HHLA1: variants seen among roughly 807,000 people sequenced by gnomAD.
HHLA1 encodes the protein HERV-H LTR-associating protein 1.
A neutral mutation model predicts 69.9 loss-of-function variants in HHLA1; 72 were observed. The observed-to-expected ratio is 1.03, with a 90% CI of 0.85 to 1.25. HHLA1 has a LOEUF of 1.25. HHLA1 is among the 50% of genes most tolerant of loss of function. The probability of loss-of-function intolerance (pLI) is 0.00; values close to 1 mark genes in which losing one functional copy is unlikely to be tolerated. For missense variants in HHLA1, 685 were observed against 642.2 expected (o/e 1.07, Z -0.72); for synonymous variants, 252 against 233.2 (o/e 1.08, Z -0.73).
chr8:132,067,791 A>G (rs543192271), intron 15 of HHLA1, among the ~76,000 whole-genome samples: 1 of 152,358 alleles, frequency 6.6e-6, no homozygotes, highest in South Asian at 2.1e-4. Flanking sequence ...GTTGTGCAAC[A>G]TGTGGTCTAG....
chr8:132,095,385 T>C (rs1167904671), intron 7 of HHLA1, 134 bp downstream of exon 7: 3 of 533,782 alleles, frequency 5.6e-6, no homozygotes, highest in African/African-American at 3.8e-5. Flanking sequence ...ACTGGGATAA[T>C]GAATGAGCAC....
rs770926884 is a variant in HHLA1 at position 132,098,260 on chromosome 8, CAGAA to C, written c.280+618_280+621del. ...TCATTTTGCTAGACGCTAAAGAACA[CAGAA>C]AGAAGATTACAATAATATTGTCTTA... On this transcript the variant is annotated intron_variant, in intron 5 of 16. Coordinates refer to ENST00000414222, the MANE Select transcript of HHLA1 (RefSeq NM_001145095.3). Among the ~76,000 whole-genome samples the C allele has an allele frequency of 1.3e-4, 20 of 152,210 alleles. 1 individual carries two copies. Among genetic ancestry groups the C allele is most frequent in the Admixed American group, 6.5e-4 (10 of 15,288 alleles).
chr8:132,064,416 C>G (rs556345830), intron 16 of HHLA1, among the ~76,000 whole-genome samples: 3 of 152,102 alleles, frequency 2.0e-5, no homozygotes, highest in Non-Finnish European at 4.4e-5. Flanking sequence ...GTGGCAAGGA[C>G]GAAAGAACTA....
intron 10 of HHLA1, chr8:132,085,523 T>TC (rs1050894923): frequency 5.0e-5 from 16 of 319,270 alleles, no homozygotes; most frequent in African/African-American, 3.4e-4. Flanking sequence ...CCAAGGGAGG[T>TC]CCCCCGATCC....
At chr8:132,103,867 C>T (rs1007641879) in intron 3 of HHLA1, among the ~76,000 whole-genome samples, 1 of 152,070 alleles carries the variant, frequency 6.6e-6, no homozygotes, top group Non-Finnish European at 1.5e-5. Flanking sequence ...GTAACGGTAC[C>T]CCCCATTATA....
intron 15 of HHLA1, chr8:132,070,458 A>C: frequency 1.4e-6 from 1 of 691,264 alleles, no homozygotes; most frequent in East Asian, 2.7e-5. Flanking sequence ...TGGATTAAAG[A>C]ACCACTCAAG....
chr8:132,090,404 A>G (rs891764), intron 7 of HHLA1, among the ~76,000 whole-genome samples: 139,010 of 152,284 alleles, frequency 0.91, 63,664 homozygotes, highest in Middle Eastern at 0.95. Flanking sequence ...TCATTTTCTA[A>G]AGAGGAAGCT....
intron 5 of HHLA1, among the ~76,000 whole-genome samples, chr8:132,096,888 C>T (rs755419094): frequency 4.6e-5 from 7 of 152,154 alleles, no homozygotes; most frequent in South Asian, 2.1e-4. Context: ...CAGCTCACTG[C>T]GGCCTCCACC....
At chr8:132,073,959 G>A (rs1344902954) in intron 14 of HHLA1, among the ~76,000 whole-genome samples, 1 of 151,768 alleles carries the variant, frequency 6.6e-6, no homozygotes, top group Non-Finnish European at 1.5e-5. Flanking sequence ...AGCTTCTCCT[G>A]TTCCTCCCCA....
chr8:132,106,655 C>T (rs1824206241), intron 1 of HHLA1, among the ~76,000 whole-genome samples: 2 of 152,344 alleles, frequency 1.3e-5, no homozygotes, highest in Admixed American at 6.5e-5. Flanking sequence ...GCTGGAGACA[C>T]AGGGACAGAG....
At chr8:132,070,250 C>G in intron 15 of HHLA1, 2 of 690,798 alleles carry the variant, frequency 2.9e-6, no homozygotes, top group East Asian at 2.7e-5. Context: ...GAAGAAATAA[C>G]AGTATGTCAG....
intron 10 of HHLA1, among the ~76,000 whole-genome samples, chr8:132,082,791 A>T (rs1206688725): frequency 6.6e-6 from 1 of 152,186 alleles, no homozygotes; most frequent in African/African-American, 2.4e-5. Flanking sequence ...TGGGCACCAC[A>T]GGGTGGACAG....
At chr8:132,087,593 T>C (rs931262907) in intron 10 of HHLA1, 60 bp downstream of exon 10, 8 of 1,048,542 alleles carry the variant, frequency 7.6e-6, no homozygotes, top group African/African-American at 6.3e-5. Flanking sequence ...GTCATTAGTG[T>C]GCCAGGTGGG....
chr8:132,096,336 G>A (rs922199919), intron 5 of HHLA1, among the ~76,000 whole-genome samples: 5 of 152,048 alleles, frequency 3.3e-5, no homozygotes, highest in African/African-American at 1.2e-4. Context: ...GGTGGCATCC[G>A]GCACAACACA....
chr8:132,103,167 T>G (rs1395547510), intron 3 of HHLA1, among the ~76,000 whole-genome samples: 1 of 152,136 alleles, frequency 6.6e-6, no homozygotes, highest in Admixed American at 6.5e-5. Context: ...CTAAGAAAAA[T>G]ATTTATGGAA....
In HHLA1 at chr8:132,077,694, C is replaced by T. The variant is rs143893815; in HGVS notation, c.1171+32G>A. 1.2e-3 allele frequency: 1,818 copies of T among 1,539,502 alleles called. 9 individuals carry two copies. In the African/African-American group the frequency reaches 0.017, roughly 15 times the overall value. Reference sequence around the variant, plus strand: ...AGACAATGCTAAGTTTAATTTAAAACGGGAGAGGTAGAAGTGAGCACCCTC... The same window carrying T: ...AGACAATGCTAAGTTTAATTTAAAATGGGAGAGGTAGAAGTGAGCACCCTC... On this transcript the variant is annotated intron_variant, in intron 12 of 16. Transcript: ENST00000414222.
chr8:132,101,333 A>G, intron 3 of HHLA1: 1 of 1,528,390 alleles, frequency 6.5e-7, no homozygotes, highest in South Asian at 1.2e-5. Context: ...CAAACAGTTC[A>G]TAACATCCTT....
rs183432158 is a variant in HHLA1, at chr8:132,076,659, C to G, written c.1172-116G>C. 5.1e-3 allele frequency: 2,782 copies of G among 548,544 alleles called. 13 individuals are homozygous for G. The highest frequency in any genetic ancestry group is 0.016 in the South Asian group (431 of 26,826). The allele number at this position is 548,544 out of a possible 1,614,324, so 34.0% of individuals were successfully genotyped here. A position where few individuals can be genotyped will look rare whatever the true frequency, so the allele number is the denominator to read the frequency against. ...AACCAATGTTGGTTAAGCCAGGTACCAGGCAGGGCTTTAAGAAGCAGAGAT... is the reference window on the plus strand; with the variant it reads ...AACCAATGTTGGTTAAGCCAGGTACGAGGCAGGGCTTTAAGAAGCAGAGAT... On this transcript the variant is annotated intron_variant, in intron 12 of 16. Transcript: ENST00000414222.
chr8:132,064,063 G>A (rs758385304), intron 16 of HHLA1, 25 bp from the exon 17 acceptor site: 13 of 1,242,016 alleles, frequency 1.0e-5, no homozygotes, highest in South Asian at 8.8e-5. Flanking sequence ...GAAGAAGAAG[G>A]AACTCAAGGT....
Sources: gnomAD v4.1 joint callset for allele counts (sites outside exome capture counted in the v4.1 genomes callset) on GRCh38, gnomAD v4.1.1 for gene constraint, MANE v1.5 for transcripts, NCBI Gene and HGNC (gene_info 2026-07-23, HGNC 2026-07-21) for gene names.